Variants in CACNB4 observed in about 807,000 individuals in gnomAD.
CACNB4 encodes the protein calcium voltage-gated channel auxiliary subunit beta 4, also known as voltage-dependent L-type calcium channel subunit beta-4.
In CACNB4, 32 loss-of-function variants were observed where a neutral mutation model predicts 71.2. The ratio of observed to expected loss-of-function variants is 0.45; its 90% CI spans 0.34 to 0.60. CACNB4 has a LOEUF of 0.60. Among genes scored for constraint, CACNB4 ranks in the 20% least tolerant of loss-of-function variants. The pLI is 0.01. For missense variants in CACNB4, 464 were observed against 647.9 expected (o/e 0.72, Z 3.08); for synonymous variants, 231 against 236.9 (o/e 0.97, Z 0.23).
intron 2 of CACNB4, among the ~76,000 whole-genome samples, chr2:152,024,947 T>G (rs1372347949): frequency 6.6e-6 from 1 of 152,134 alleles, no homozygotes; most frequent in African/African-American, 2.4e-5. Flanking sequence ...TCCCAGGTAC[T>G]CGGGAGGCTG....
chr2:151,929,567 G>A (rs573169161), intron 2 of CACNB4, among the ~76,000 whole-genome samples: 2 of 152,078 alleles, frequency 1.3e-5, no homozygotes, highest in African/African-American at 2.4e-5. Context: ...TTATCAACAT[G>A]GAAAATAAAT....
At chr2:151,923,748 G>A (rs150729691) in intron 2 of CACNB4, among the ~76,000 whole-genome samples, 89 of 152,252 alleles carry the variant, frequency 5.8e-4, no homozygotes, top group African/African-American at 2.1e-3. Flanking sequence ...TAACCCTCTT[G>A]CAGATTGGCT....
At chr2:151,998,432 C>G (rs1219701473) in intron 2 of CACNB4, among the ~76,000 whole-genome samples, 1 of 151,924 alleles carries the variant, frequency 6.6e-6, no homozygotes, top group Non-Finnish European at 1.5e-5. Context: ...AGTTTTGGTT[C>G]CTTACTCTGC....
At chr2:151,933,758 T>C (rs1393736646) in intron 2 of CACNB4, among the ~76,000 whole-genome samples, 1 of 152,186 alleles carries the variant, frequency 6.6e-6, no homozygotes, top group Non-Finnish European at 1.5e-5. Context: ...CCATATATTT[T>C]GAGGGTTTTA....
intron 2 of CACNB4, among the ~76,000 whole-genome samples, chr2:152,001,688 G>A (rs1682426696): frequency 1.3e-5 from 2 of 150,842 alleles, no homozygotes; most frequent in African/African-American, 4.9e-5. Context: ...ACTTCAGCCT[G>A]GGCAACAAGA....
At position 151,988,406 on chromosome 2, in the gene CACNB4, ACCTTCCCCAC is replaced by A. The variant is rs956609747; in HGVS notation, c.148-105046_148-105037del. ...ACCCACATCCTGGCGGATTCTAAAA[ACCTTCCCCAC>A]CCTACATGAGAGTGGGTAATCAAAT... On this transcript the variant is annotated intron_variant, in intron 2 of 13. Transcript: ENST00000539935. Among the ~76,000 whole-genome samples, 4 of 152,202 alleles carry A rather than the reference ACCTTCCCCAC, an allele frequency of 2.6e-5. 1 individual carries two copies. The highest frequency in any genetic ancestry group is 1.9e-4 in the East Asian group (1 of 5,182).
Position 152,098,766 on chromosome 2 carries a change from G to T in CACNB4, c.63+183C>A. The stretch of plus-strand genomic sequence containing the variant: ...AGGGTGAGGAGGAGGAGGAAGAGAA[G>T]GAGGAGAAAGAGGAGGAGCGGGAGG... On this transcript the variant is annotated intron_variant, in intron 1 of 13. Transcript: ENST00000539935. The surrounding 1 kb of genome is among the most constrained non-coding windows in gnomAD (Gnocchi z 5.3). The T allele has an allele frequency of 7.2e-7, 1 of 1,390,394 alleles. No homozygotes were observed. The highest frequency in any genetic ancestry group is 9.8e-7 in the Non-Finnish European group (1 of 1,016,804). The allele number at this position is 1,390,394 out of a possible 1,614,324, so 86.1% of individuals were successfully genotyped here.
chr2:151,872,308 A>C, intron 6 of CACNB4, 109 bp downstream of exon 6: 1 of 677,706 alleles, frequency 1.5e-6, no homozygotes, highest in East Asian at 2.7e-5. Context: ...GAGAATCTTT[A>C]AATTAAGCCT....
chr2:151,998,745 A>G (rs775659344), intron 2 of CACNB4, among the ~76,000 whole-genome samples: 10 of 152,210 alleles, frequency 6.6e-5, no homozygotes, highest in Non-Finnish European at 1.2e-4. Context: ...TGCTGTATTC[A>G]GCACACCCCC....
intron 6 of CACNB4, chr2:151,871,062 C>T (rs1368867719): frequency 1.7e-5 from 10 of 594,724 alleles, no homozygotes; most frequent in Non-Finnish European, 2.7e-5. Context: ...AGACAGCTTC[C>T]TCCCTGGTAC....
chr2:151,962,016 C>T (rs1039714875), intron 2 of CACNB4, among the ~76,000 whole-genome samples: 1 of 152,266 alleles, frequency 6.6e-6, no homozygotes, highest in Non-Finnish European at 1.5e-5. Flanking sequence ...CTTCATCCTT[C>T]CCCACTCTGC....
At chr2:151,888,232 G>T (rs1419204204) in intron 2 of CACNB4, among the ~76,000 whole-genome samples, 1 of 152,120 alleles carries the variant, frequency 6.6e-6, no homozygotes, top group East Asian at 1.9e-4. Context: ...TAAAATTACA[G>T]CAAGGAGAAG....
At chr2:152,075,216 C>T (rs1686944380) in intron 2 of CACNB4, among the ~76,000 whole-genome samples, 1 of 152,174 alleles carries the variant, frequency 6.6e-6, no homozygotes, top group Admixed American at 6.5e-5. Flanking sequence ...TAAGGTCACA[C>T]AAACAGAAAG....
rs577231574 is a variant in CACNB4 at position 152,098,403 on chromosome 2, C to T, written c.74G>A (p.Gly25Asp). ...CAACCTGCTCCTCCGGGTTGTGGTG[C>T]CTCGGGCCACCTGGACTCGACACAC... ...PHSPTSQVAR[G>D]TTTRRSRLKR... The change falls in exon 2 of 14, where the codon GGC becomes GAC. Residue 25 changes from glycine (G) to aspartate (D), a missense_variant. Coordinates refer to ENST00000539935, the MANE Select transcript of CACNB4 (RefSeq NM_000726.5). This position sits in a 1 kb window ranked among gnomAD's most constrained non-coding sequence, Gnocchi z 5.3. 14 of 1,613,186 alleles carry T rather than the reference C, an allele frequency of 8.7e-6. No individual in the cohort carries two copies. In the South Asian group the frequency reaches 1.4e-4, roughly 16 times the overall value.
chr2:151,887,834 G>T (rs1043949590), intron 2 of CACNB4, among the ~76,000 whole-genome samples: 3 of 152,074 alleles, frequency 2.0e-5, no homozygotes, highest in African/African-American at 7.2e-5. Context: ...AACATCATGG[G>T]GGAAATTCGG....
intron 2 of CACNB4, among the ~76,000 whole-genome samples, chr2:152,008,249 C>T (rs1009619850): frequency 6.6e-6 from 1 of 151,976 alleles, no homozygotes; most frequent in Admixed American, 6.6e-5. Context: ...GTCTTCATCT[C>T]CATTTTGCAA....
intron 2 of CACNB4, among the ~76,000 whole-genome samples, chr2:152,000,757 G>T (rs1258491717): frequency 1.3e-5 from 2 of 152,148 alleles, no homozygotes; most frequent in South Asian, 4.1e-4. Flanking sequence ...ACAGCACTCT[G>T]TACCTACTCT....
At chr2:151,945,747 G>A (rs977300762) in intron 2 of CACNB4, among the ~76,000 whole-genome samples, 36 of 152,026 alleles carry the variant, frequency 2.4e-4, no homozygotes, top group African/African-American at 8.0e-4. Flanking sequence ...TATATGTAAA[G>A]TAGCAATAGT....
At chr2:152,048,040 G>A (rs1267304808) in intron 2 of CACNB4, among the ~76,000 whole-genome samples, 2 of 152,200 alleles carry the variant, frequency 1.3e-5, no homozygotes, top group African/African-American at 2.4e-5. Flanking sequence ...CCTAGTATCA[G>A]TGTTTGGATT....
Sources: allele counts gnomAD v4.1 joint callset (sites outside exome capture counted in the v4.1 genomes callset), GRCh38; gene constraint gnomAD v4.1.1; non-coding constraint Gnocchi (gnomAD v3.1); transcripts MANE v1.5; gene names NCBI Gene and HGNC (gene_info 2026-07-23, HGNC 2026-07-21).